Variants in SLC8A1 observed in about 807,000 individuals in gnomAD.
The protein encoded by SLC8A1 is sodium/calcium exchanger 1.
A neutral mutation model predicts 68.3 loss-of-function variants in SLC8A1; 18 were observed. That is an observed-to-expected ratio of 0.26 (90% CI 0.18 to 0.39). The LOEUF is 0.39. Among genes scored for constraint, SLC8A1 ranks in the 10% least tolerant of loss-of-function variants. SLC8A1 has a pLI of 1.00. For synonymous variants in SLC8A1, 475 were observed against 415.5 expected, an observed-to-expected ratio of 1.14 and a Z score of -1.74; for missense variants, 985 against 1,156.7, an observed-to-expected ratio of 0.85 and a Z score of 2.15.
chr2:40,165,406 C>T (rs2046378435), intron 4 of SLC8A1, among the ~76,000 whole-genome samples: 1 of 152,118 alleles, frequency 6.6e-6, no homozygotes, highest in Admixed American at 6.5e-5. Context: ...TCAGAGATGG[C>T]GGAGTCTGGC....
At chr2:40,442,792 GAC>G (rs1410481548) in intron 1 of SLC8A1, among the ~76,000 whole-genome samples, 1 of 152,130 alleles carries the variant, frequency 6.6e-6, no homozygotes, top group Non-Finnish European at 1.5e-5. Context: ...CTACTATAAA[GAC>G]ACATGTACAC....
At chr2:40,284,362 T>C (rs867292690) in intron 2 of SLC8A1, among the ~76,000 whole-genome samples, 8 of 147,454 alleles carry the variant, frequency 5.4e-5, no homozygotes, top group South Asian at 4.2e-4. Flanking sequence ...TATAGATATA[T>C]ACATATATTT....
chr2:40,283,972 C>T (rs1431371022), intron 2 of SLC8A1, among the ~76,000 whole-genome samples: 1 of 152,008 alleles, frequency 6.6e-6, no homozygotes, highest in Non-Finnish European at 1.5e-5. Flanking sequence ...AAAAACTAGG[C>T]TTGTAATTGT....
At chr2:40,441,697 G>A (rs1395922167) in intron 1 of SLC8A1, among the ~76,000 whole-genome samples, 1 of 151,868 alleles carries the variant, frequency 6.6e-6, no homozygotes, top group African/African-American at 2.4e-5. Flanking sequence ...ATGGTGCTGG[G>A]AAAGCAAGCT....
At chr2:40,485,652 A>G (rs1251670217) in intron 1 of SLC8A1, among the ~76,000 whole-genome samples, 1 of 152,114 alleles carries the variant, frequency 6.6e-6, no homozygotes, top group Non-Finnish European at 1.5e-5. Context: ...AACACACACT[A>G]AAAATGGAAT....
chr2:40,246,309 C>T (rs2061858063), intron 2 of SLC8A1, among the ~76,000 whole-genome samples: 1 of 152,186 alleles, frequency 6.6e-6, no homozygotes, highest in Admixed American at 6.5e-5. Flanking sequence ...AACTGTGGTC[C>T]TGATTCCACT....
chr2:40,359,994 G>A (rs1012195249), intron 2 of SLC8A1, among the ~76,000 whole-genome samples: 4 of 151,450 alleles, frequency 2.6e-5, no homozygotes, highest in Non-Finnish European at 5.9e-5. Flanking sequence ...TGGTAGGGCT[G>A]CTCTTGAAAT....
chr2:40,403,236 A>G (rs1689280751), intron 2 of SLC8A1, among the ~76,000 whole-genome samples: 1 of 152,236 alleles, frequency 6.6e-6, no homozygotes, highest in Admixed American at 6.5e-5. Context: ...ACCTTATTCA[A>G]AAGCAAACCT....
intron 2 of SLC8A1, among the ~76,000 whole-genome samples, chr2:40,317,499 CAT>C (rs949756608): frequency 6.6e-5 from 10 of 152,040 alleles, no homozygotes; most frequent in African/African-American, 2.4e-4. Context: ...TCTACACAAA[CAT>C]TGATTAATTA....
intron 6 of SLC8A1, among the ~76,000 whole-genome samples, chr2:40,152,544 T>C (rs911843768): frequency 6.6e-6 from 1 of 151,962 alleles, no homozygotes; most frequent in Non-Finnish European, 1.5e-5. Context: ...GGCTGGGATT[T>C]CAGGTGTGCA....
At chr2:40,435,316 G>C (rs1699176161) in intron 1 of SLC8A1, among the ~76,000 whole-genome samples, 1 of 152,146 alleles carries the variant, frequency 6.6e-6, no homozygotes, top group Non-Finnish European at 1.5e-5. Context: ...GATGATGCCA[G>C]AGGATGAAGG....
chr2:40,196,092 T>G (rs1448708053), intron 2 of SLC8A1, among the ~76,000 whole-genome samples: 2 of 151,200 alleles, frequency 1.3e-5, no homozygotes, highest in African/African-American at 4.9e-5. Context: ...GACTAACAAC[T>G]TTATGGGGGT....
At chr2:40,247,834 G>A (rs996658346) in intron 2 of SLC8A1, among the ~76,000 whole-genome samples, 46 of 152,270 alleles carry the variant, frequency 3.0e-4, no homozygotes, top group Middle Eastern at 3.4e-3. Context: ...TTTCTGAAAG[G>A]TCTTGCAGGT....
chr2:40,394,822 T>G (rs1230177143), intron 2 of SLC8A1, among the ~76,000 whole-genome samples: 2 of 152,030 alleles, frequency 1.3e-5, no homozygotes, highest in African/African-American at 2.4e-5. Flanking sequence ...CTTGGGGAAG[T>G]TGAAGGCCAC....
chr2:40,347,986 T>C (rs1669883865), intron 2 of SLC8A1, among the ~76,000 whole-genome samples: 1 of 152,200 alleles, frequency 6.6e-6, no homozygotes, highest in African/African-American at 2.4e-5. Flanking sequence ...AAGCATATTC[T>C]CAGGTTTTAA....
At chr2:40,499,567 T>G (rs185334101) in intron 1 of SLC8A1, among the ~76,000 whole-genome samples, 42 of 152,144 alleles carry the variant, frequency 2.8e-4, no homozygotes, top group African/African-American at 1.0e-3. Context: ...TAAGCCAGGG[T>G]CTGTGAGTTG....
intron 2 of SLC8A1, among the ~76,000 whole-genome samples, chr2:40,210,518 A>C (rs2056387349): frequency 6.6e-6 from 1 of 152,210 alleles, no homozygotes; most frequent in Non-Finnish European, 1.5e-5. Flanking sequence ...ATAATTAAGA[A>C]AGTGTTAGTC....
In SLC8A1 at chr2:40,157,438, A is replaced by ATCAT. The variant is rs149933589; in HGVS notation, c.2161+3323_2161+3326dup. The stretch of plus-strand genomic sequence containing the variant: ...ACCTGTCTCCAAAGCCAGCCTTGCA[A>ATCAT]TCATTCTCTCCTTTGCCTCACCTCT... On this transcript the variant is annotated intron_variant, in intron 6 of 7. Coordinates refer to ENST00000406785, the Ensembl canonical transcript of SLC8A1. Among the ~76,000 whole-genome samples, 899 of 152,262 alleles carry ATCAT rather than the reference A, an allele frequency of 5.9e-3. 21 individuals are homozygous for ATCAT. Among genetic ancestry groups the ATCAT allele is most frequent in the East Asian group, 0.059 (305 of 5,170 alleles).
intron 2 of SLC8A1, among the ~76,000 whole-genome samples, chr2:40,242,173 AGAATAT>A (rs966561570): frequency 6.6e-6 from 1 of 152,050 alleles, no homozygotes; most frequent in Non-Finnish European, 1.5e-5. Context: ...AGAGAGACAG[AGAATAT>A]GAATATGAAT....
Sources: gnomAD v4.1 joint callset for allele counts (sites outside exome capture counted in the v4.1 genomes callset) on GRCh38, gnomAD v4.1.1 for gene constraint, MANE v1.5 for transcripts, NCBI Gene and HGNC (gene_info 2026-07-23, HGNC 2026-07-21) for gene names.